SGCZ: variants seen among roughly 807,000 people sequenced by gnomAD.
The protein encoded by SGCZ is sarcoglycan zeta.
A neutral mutation model predicts 41.3 loss-of-function variants in SGCZ; 40 were observed. The ratio of observed to expected loss-of-function variants is 0.97; its 90% confidence interval spans 0.75 to 1.26. The LOEUF (loss-of-function observed/expected upper bound fraction) is 1.26, where lower values mean the gene tolerates loss of function less well. SGCZ is among the 50% of genes most tolerant of loss of function. SGCZ has a pLI of 0.00. For synonymous variants in SGCZ, 206 were observed against 137.5 expected (o/e 1.50, Z -3.49); for missense variants, 552 against 369.8 (o/e 1.49, Z -4.04).
At chr8:14,699,181 A>G (rs1367881955) in intron 1 of SGCZ, among the ~76,000 whole-genome samples, 1 of 150,378 alleles carries the variant, frequency 6.6e-6, no homozygotes, top group African/African-American at 2.4e-5. Context: ...GTATATACAC[A>G]CACATATATA....
At chr8:14,672,339 A>ATTTTAAG (rs1356933039) in intron 1 of SGCZ, among the ~76,000 whole-genome samples, 19 of 152,300 alleles carry the variant, frequency 1.2e-4, no homozygotes, top group African/African-American at 4.6e-4. Flanking sequence ...AACCAGCTGT[A>ATTTTAAG]AATATTTGCT....
intron 1 of SGCZ, among the ~76,000 whole-genome samples, chr8:15,100,558 T>C (rs1157207003): frequency 2.6e-5 from 4 of 152,322 alleles, no homozygotes; most frequent in Non-Finnish European, 5.9e-5. Context: ...ACAATCTCCA[T>C]GAAATCACCA....
At chr8:14,916,126 G>A (rs190700847) in intron 1 of SGCZ, among the ~76,000 whole-genome samples, 325 of 152,242 alleles carry the variant, frequency 2.1e-3, no homozygotes, top group Non-Finnish European at 3.9e-3. Context: ...ATCCTTTTGC[G>A]TAGCAGATAA....
chr8:15,025,460 T>C (rs1803420433), intron 1 of SGCZ, among the ~76,000 whole-genome samples: 1 of 152,240 alleles, frequency 6.6e-6, no homozygotes, highest in Non-Finnish European at 1.5e-5. Flanking sequence ...CAGATTTTTC[T>C]TTTGCTAGCT....
At chr8:15,071,117 G>C (rs923376984) in intron 1 of SGCZ, among the ~76,000 whole-genome samples, 1 of 152,092 alleles carries the variant, frequency 6.6e-6, no homozygotes, top group Non-Finnish European at 1.5e-5. Context: ...GATTTGTTAA[G>C]CAATAATAAC....
At chr8:14,102,816 G>A (rs1802075305) in intron 6 of SGCZ, among the ~76,000 whole-genome samples, 1 of 152,094 alleles carries the variant, frequency 6.6e-6, no homozygotes, top group South Asian at 2.1e-4. Context: ...AAAGTAGGGT[G>A]TGATAAGTAT....
At chr8:14,989,518 G>C (rs931955205) in intron 1 of SGCZ, among the ~76,000 whole-genome samples, 6 of 151,982 alleles carry the variant, frequency 3.9e-5, no homozygotes, top group Non-Finnish European at 5.9e-5. Context: ...AAAGATAAGA[G>C]ATTCATATGC....
chr8:14,452,866 G>T (rs1306816435), intron 2 of SGCZ, among the ~76,000 whole-genome samples: 1 of 152,130 alleles, frequency 6.6e-6, no homozygotes, highest in African/African-American at 2.4e-5. Flanking sequence ...ACCTTGGGAG[G>T]CTGAGACAGC....
chr8:14,659,948 G>T (rs971489171), intron 1 of SGCZ, among the ~76,000 whole-genome samples: 8 of 152,124 alleles, frequency 5.3e-5, no homozygotes, highest in African/African-American at 1.9e-4. Context: ...AGTGAGAATG[G>T]CATGTGAACA....
chr8:14,623,314 T>C (rs1490995060), intron 1 of SGCZ, among the ~76,000 whole-genome samples: 1 of 152,112 alleles, frequency 6.6e-6, no homozygotes, highest in South Asian at 2.1e-4. Flanking sequence ...ACAAAATTAA[T>C]AAAGAGAAAG....
intron 4 of SGCZ, among the ~76,000 whole-genome samples, chr8:14,193,870 T>C (rs763345939): frequency 2.8e-4 from 42 of 151,970 alleles, no homozygotes; most frequent in Middle Eastern, 3.4e-3. Flanking sequence ...ACCTTGAACA[T>C]GTTTTAGGAG....
chr8:15,094,497 C>A (rs1336148047), intron 1 of SGCZ, among the ~76,000 whole-genome samples: 1 of 152,090 alleles, frequency 6.6e-6, no homozygotes, highest in African/African-American at 2.4e-5. Flanking sequence ...AATTCAGTGA[C>A]AGAAAAGAGC....
chr8:14,129,218 T>C (rs1585160917), intron 5 of SGCZ, among the ~76,000 whole-genome samples: 1 of 151,560 alleles, frequency 6.6e-6, no homozygotes, highest in African/African-American at 2.4e-5. Flanking sequence ...TGGTGGCAGG[T>C]GCCTGTACTC....
rs200099893 is a variant in SGCZ, at chr8:15,037,918, A to C, written c.39+199667T>G. Among the ~76,000 whole-genome samples, 6 of 152,264 alleles carry C rather than the reference A, an allele frequency of 3.9e-5. No homozygotes were observed. In the East Asian group the frequency reaches 1.2e-3, roughly 29 times the overall value. On this transcript the variant is annotated intron_variant, in intron 1 of 7. Coordinates refer to ENST00000382080, the MANE Select transcript of SGCZ (RefSeq NM_139167.4). ...AAATAAGGCTTACCAATAAGAGAGA[A>C]GTGTATACTGAAAATTATAAAACAT...
intron 2 of SGCZ, among the ~76,000 whole-genome samples, chr8:14,548,883 C>T (rs191780750): frequency 2.6e-5 from 4 of 151,904 alleles, no homozygotes; most frequent in South Asian, 4.1e-4. Context: ...AGGTATTTGG[C>T]GGGAATTATG....
At chr8:15,225,010 A>G (rs1405808345) in intron 1 of SGCZ, among the ~76,000 whole-genome samples, 1 of 152,182 alleles carries the variant, frequency 6.6e-6, no homozygotes, top group Admixed American at 6.5e-5. Flanking sequence ...AAATTTTAAC[A>G]TATCTCTAAT....
intron 1 of SGCZ, among the ~76,000 whole-genome samples, chr8:14,862,557 T>C (rs1030206142): frequency 7.3e-6 from 1 of 137,502 alleles, no homozygotes; most frequent in Non-Finnish European, 1.6e-5. Context: ...TATATATATA[T>C]ATATATATAT....
At chr8:14,375,846 A>G (rs956182106) in intron 2 of SGCZ, among the ~76,000 whole-genome samples, 1 of 152,236 alleles carries the variant, frequency 6.6e-6, no homozygotes, top group Non-Finnish European at 1.5e-5. Context: ...GGAATCCAAA[A>G]CAAAGGAAAT....
chr8:15,008,181 C>T (rs1278590264), intron 1 of SGCZ, among the ~76,000 whole-genome samples: 2 of 152,136 alleles, frequency 1.3e-5, no homozygotes, highest in African/African-American at 4.8e-5. Context: ...ACTTGAAGCA[C>T]TCATTCCTGG....
Sources: allele counts gnomAD v4.1 joint callset (sites outside exome capture counted in the v4.1 genomes callset), GRCh38; gene constraint gnomAD v4.1.1; transcripts MANE v1.5; gene names NCBI Gene and HGNC (gene_info 2026-07-23, HGNC 2026-07-21).